The following LRRC20 variants were observed in gnomAD, a reference collection of about 807,000 sequenced individuals.
LRRC20 encodes the protein leucine-rich repeat-containing protein 20.
In LRRC20, 11 loss-of-function variants were observed where a neutral mutation model predicts 14.4. The observed-to-expected ratio is 0.77, with a 90% confidence interval of 0.48 to 1.27. The LOEUF (loss-of-function observed/expected upper bound fraction) is 1.27, where lower values mean the gene tolerates loss of function less well. Among genes scored for constraint, LRRC20 ranks in the 50% most tolerant of loss-of-function variants. LRRC20 has a pLI of 0.00. For synonymous variants in LRRC20, 121 were observed against 107.3 expected (o/e 1.13, Z -0.79); for missense variants, 219 against 251.2 (o/e 0.87, Z 0.87).
intron 2 of LRRC20, among the ~76,000 whole-genome samples, chr10:70,375,982 G>A (rs2137176922): frequency 6.6e-6 from 1 of 152,218 alleles, no homozygotes; most frequent in South Asian, 2.1e-4. Context: ...GTGTAAAGGG[G>A]TCTCCTAGCT....
At chr10:70,350,459 T>G (rs1353271186) in intron 2 of LRRC20, among the ~76,000 whole-genome samples, 1 of 152,238 alleles carries the variant, frequency 6.6e-6, no homozygotes, top group South Asian at 2.1e-4. Context: ...GCTTATCTCG[T>G]TAATTCTAAT....
chr10:70,343,982 T>G (rs1842996585), intron 2 of LRRC20, among the ~76,000 whole-genome samples: 2 of 152,212 alleles, frequency 1.3e-5, no homozygotes. Context: ...AAGGATTGCT[T>G]GAGCCCAGGA....
chr10:70,358,639 A>T (rs1032948142), intron 2 of LRRC20, among the ~76,000 whole-genome samples: 1 of 151,988 alleles, frequency 6.6e-6, no homozygotes, highest in Non-Finnish European at 1.5e-5. Flanking sequence ...ACCACCTGCC[A>T]CTCCTCAAGC....
intron 1 of LRRC20, among the ~76,000 whole-genome samples, chr10:70,380,088 G>A (rs962454650): frequency 2.6e-5 from 4 of 152,148 alleles, no homozygotes; most frequent in Non-Finnish European, 5.9e-5. Context: ...CACAGCCCAG[G>A]GGTTGAGGAC....
At position 70,376,489 on chromosome 10, in the gene LRRC20, C is replaced by T. The variant is rs1411372031; in HGVS notation, c.45G>A (p.Lys15=). Residue 15 remains lysine (K), a synonymous_variant, in exon 2 of 5, where the codon AAG becomes AAA. Coordinates refer to ENST00000446961, the MANE Select transcript of LRRC20 (RefSeq NM_001278212.2). ...AGCCGCTCTCCACCGTCTCGTTGAC[C>T]TTCCTTGCTACTCTGGCCACGGCCT... ...MGEAVARVAR[K]VNETVESGSD... 3 of 1,613,986 alleles carry T rather than the reference C, an allele frequency of 1.9e-6. No homozygotes were observed. The highest frequency in any genetic ancestry group is 2.5e-6 in the Non-Finnish European group (3 of 1,180,040).
At chr10:70,377,186 C>T (rs1011756703) in intron 1 of LRRC20, among the ~76,000 whole-genome samples, 2 of 152,132 alleles carry the variant, frequency 1.3e-5, no homozygotes, top group Admixed American at 1.3e-4. Context: ...TTCCCATGTG[C>T]CAACAGGAAG....
chr10:70,326,304 A>ACACC (rs1415208318), intron 3 of LRRC20, among the ~76,000 whole-genome samples: 5 of 149,342 alleles, frequency 3.3e-5, no homozygotes, highest in Non-Finnish European at 5.9e-5. Context: ...GTGTACACAC[A>ACACC]CACACACACA....
chr10:70,320,174 C>T (rs963993107), intron 4 of LRRC20, among the ~76,000 whole-genome samples: 3 of 152,070 alleles, frequency 2.0e-5, no homozygotes, highest in African/African-American at 4.8e-5. Context: ...CTAGGGAGGA[C>T]GGGTGACTGA....
At chr10:70,364,039 G>A (rs1843868300) in intron 2 of LRRC20, among the ~76,000 whole-genome samples, 1 of 152,232 alleles carries the variant, frequency 6.6e-6, no homozygotes, top group Admixed American at 6.5e-5. Context: ...CAGCCCTTGT[G>A]GCAAACAAAG....
In LRRC20 at chr10:70,376,601, G is replaced by A; in HGVS notation, c.-63-5C>T. 2 of 1,497,414 alleles carry A rather than the reference G, an allele frequency of 1.3e-6. No individual in the cohort carries two copies. Among genetic ancestry groups the A allele is most frequent in the Non-Finnish European group, 1.8e-6 (2 of 1,083,740 alleles). The allele number at this position is 1,497,414 out of a possible 1,614,324, so 92.8% of individuals were successfully genotyped here. On this transcript the variant is annotated splice_polypyrimidine_tract_variant and splice_region_variant and intron_variant, in intron 1 of 4. Transcript: ENST00000446961. ...TTCTCACAAAAGGGCCTGAGCCTGG[G>A]GAAGACGCAGTGCCATGAAGTGCCC...
chr10:70,364,503 G>C (rs574197696), intron 2 of LRRC20, among the ~76,000 whole-genome samples: 3 of 152,350 alleles, frequency 2.0e-5, no homozygotes, highest in South Asian at 4.1e-4. Context: ...AGTGTTTCCT[G>C]AGTACTCTTG....
chr10:70,369,624 A>C (rs1034340507), intron 2 of LRRC20, among the ~76,000 whole-genome samples: 35 of 151,284 alleles, frequency 2.3e-4, no homozygotes, highest in Non-Finnish European at 3.7e-4. Context: ...AAAAAAAAAA[A>C]AAAAAAAAAC....
At chr10:70,353,567 A>G (rs1311579814) in intron 2 of LRRC20, among the ~76,000 whole-genome samples, 1 of 151,990 alleles carries the variant, frequency 6.6e-6, no homozygotes, top group Non-Finnish European at 1.5e-5. Context: ...ACAGGCATGC[A>G]CCACCACGCC....
At chr10:70,303,289 C>T (rs890199225) in intron 4 of LRRC20, among the ~76,000 whole-genome samples, 3 of 152,248 alleles carry the variant, frequency 2.0e-5, no homozygotes, top group Non-Finnish European at 4.4e-5. Context: ...TCCATCATAC[C>T]CCTAAAGAGT....
intron 2 of LRRC20, among the ~76,000 whole-genome samples, chr10:70,361,442 G>C (rs1201701394): frequency 6.6e-6 from 1 of 152,214 alleles, no homozygotes; most frequent in African/African-American, 2.4e-5. Context: ...CGGTATAATG[G>C]GAGAGCAGGT....
In LRRC20 at chr10:70,305,885, T is replaced by C. The variant is rs540916951; in HGVS notation, c.401-4377A>G. 5.9e-5 allele frequency among the ~76,000 whole-genome samples: 9 copies of C among 151,872 alleles called. No homozygotes were observed. The South Asian group carries it at 1.2e-3, about 21-fold the overall frequency. ...CCTCCCAAGTAGCTGGGACTACAGG[T>C]GCCCGCCACCACGCCCGGCTAATTT... On this transcript the variant is annotated intron_variant, in intron 4 of 4. Transcript: ENST00000446961.
At chr10:70,354,489 A>C (rs10999290) in intron 2 of LRRC20, among the ~76,000 whole-genome samples, 51,680 of 152,102 alleles carry the variant, frequency 0.34, 9,091 homozygotes, top group Middle Eastern at 0.39. Flanking sequence ...AACTTGTCAG[A>C]AAGGCACATT....
In LRRC20 at chr10:70,376,477, C is replaced by A; in HGVS notation, c.57G>T (p.Thr19=). The change falls in exon 2 of 5, where the codon ACG becomes ACT. Residue 19 remains threonine, a synonymous_variant. Coordinates refer to ENST00000446961, the MANE Select transcript of LRRC20 (RefSeq NM_001278212.2). ...VARVARKVNE[T]VESGSDTLDL... ...CCAGAGTGTCAGAGCCGCTCTCCAC[C>A]GTCTCGTTGACCTTCCTTGCTACTC... 6.2e-6 allele frequency: 10 copies of A among 1,614,114 alleles called. No individual in the cohort carries two copies. The highest frequency in any genetic ancestry group is 7.6e-6 in the Non-Finnish European group (9 of 1,180,020).
At chr10:70,332,800 A>G (rs1842586460) in intron 3 of LRRC20, among the ~76,000 whole-genome samples, 1 of 152,244 alleles carries the variant, frequency 6.6e-6, no homozygotes, top group Admixed American at 6.5e-5. Flanking sequence ...TAGGCATGGA[A>G]TATCTCCAGT....
Sources: gnomAD v4.1 joint callset for allele counts (sites outside exome capture counted in the v4.1 genomes callset) on GRCh38, gnomAD v4.1.1 for gene constraint, MANE v1.5 for transcripts, NCBI Gene and HGNC (gene_info 2026-07-23, HGNC 2026-07-21) for gene names.